The following KCNMA1 variants were observed in gnomAD, a reference collection of about 807,000 sequenced individuals.
The protein encoded by KCNMA1 is potassium calcium-activated channel subfamily M alpha 1, also known as Calcium-activated potassium channel subunit alpha-1.
Under a neutral mutation model 140.0 loss-of-function variants are expected in KCNMA1, and 29 were observed. The ratio of observed to expected loss-of-function variants is 0.21; its 90% confidence interval spans 0.15 to 0.28. KCNMA1 has a LOEUF of 0.28. KCNMA1 is among the 10% of genes least tolerant of loss of function. The pLI is 1.00. For missense variants in KCNMA1, 880 were observed against 1,602.2 expected (o/e 0.55, Z 7.70); for synonymous variants, 612 against 611.9 (o/e 1.00, Z 0.00).
intron 9 of KCNMA1, among the ~76,000 whole-genome samples, chr10:77,106,043 G>A (rs998275009): frequency 4.6e-5 from 7 of 151,980 alleles, no homozygotes; most frequent in African/African-American, 9.7e-5. Flanking sequence ...CTTTATTACC[G>A]TGCCTTTCCC....
intron 21 of KCNMA1, among the ~76,000 whole-genome samples, chr10:76,952,471 T>C (rs1014438961): frequency 6.6e-6 from 1 of 152,218 alleles, no homozygotes; most frequent in Admixed American, 6.5e-5. Context: ...AGTGAGCTGA[T>C]AGGGCTCTGC....
At chr10:77,548,949 C>CTTTTT (rs2062070059) in intron 1 of KCNMA1, among the ~76,000 whole-genome samples, 1 of 152,190 alleles carries the variant, frequency 6.6e-6, no homozygotes, top group Admixed American at 6.5e-5. Context: ...ATAAGGGATG[C>CTTTTT]ATAGATGAAT....
intron 1 of KCNMA1, among the ~76,000 whole-genome samples, chr10:77,452,980 CAG>C (rs1566935145): frequency 6.6e-6 from 1 of 152,104 alleles, no homozygotes; most frequent in Non-Finnish European, 1.5e-5. Context: ...ATCTGGAAAA[CAG>C]GGATGGGGGT....
chr10:77,409,033 G>A (rs1024385094), intron 1 of KCNMA1, among the ~76,000 whole-genome samples: 1 of 152,148 alleles, frequency 6.6e-6, no homozygotes, highest in Non-Finnish European at 1.5e-5. Flanking sequence ...ACCCTACCAG[G>A]CAACCTCTCA....
intron 1 of KCNMA1, among the ~76,000 whole-genome samples, chr10:77,516,604 T>C (rs950288980): frequency 2.0e-5 from 3 of 152,264 alleles, no homozygotes; most frequent in African/African-American, 4.8e-5. Flanking sequence ...CCAAAAGCTC[T>C]GCATGCTGCA....
At chr10:76,893,034 G>A (rs1338467714) in intron 25 of KCNMA1, among the ~76,000 whole-genome samples, 1 of 152,160 alleles carries the variant, frequency 6.6e-6, no homozygotes, top group South Asian at 2.1e-4. Context: ...AGCAGAAAAA[G>A]GATACTTAAA....
chr10:77,012,092 T>C (rs1230833499), intron 17 of KCNMA1, 49 bp from the exon 18 acceptor site: 5 of 1,611,540 alleles, frequency 3.1e-6, no homozygotes, highest in Non-Finnish European at 4.2e-6. Flanking sequence ...TCCACCCAAA[T>C]GAAATGAGTA....
chr10:77,150,329 T>A (rs1490803401), intron 5 of KCNMA1, among the ~76,000 whole-genome samples: 1 of 152,170 alleles, frequency 6.6e-6, no homozygotes, highest in East Asian at 1.9e-4. Flanking sequence ...CTTGTAGCCA[T>A]TTCACTGACA....
In KCNMA1 at chr10:77,082,007, C is replaced by CTTTTTTTTTTTTTTTTTTTTTTT. The variant is rs201288668; in HGVS notation, c.1524-2480_1524-2458dup. Among the ~76,000 whole-genome samples the CTTTTTTTTTTTTTTTTTTTTTTT allele has an allele frequency of 1.2e-4, 4 of 32,500 alleles. 1 individual carries two copies. Among genetic ancestry groups the CTTTTTTTTTTTTTTTTTTTTTTT allele is most frequent in the East Asian group, 9.7e-4 (2 of 2,054 alleles). 21.3% of individuals were successfully genotyped at this position (32,500 alleles called of 152,430 possible). Reference sequence around the variant, plus strand: ...GACCAGTAATTTCTTTTTTTCTTTTCTTTTTTTTTTTTTTTTTTTTTTTTT... The same window carrying CTTTTTTTTTTTTTTTTTTTTTTT: ...GACCAGTAATTTCTTTTTTTCTTTTCTTTTTTTTTTTTTTTTTTTTTTTTTTTTTTTTTTTTTTTTTTTTTTTT... On this transcript the variant is annotated intron_variant, in intron 12 of 27. Coordinates refer to ENST00000286628, the MANE Select transcript of KCNMA1 (RefSeq NM_001161352.2).
intron 1 of KCNMA1, among the ~76,000 whole-genome samples, chr10:77,575,847 A>G (rs75253357): frequency 0.015 from 2,244 of 152,312 alleles, 63 homozygotes; most frequent in African/African-American, 0.051. Flanking sequence ...GCCAGTTAAA[A>G]TAGAGCCCTG....
At chr10:77,623,049 GT>G (rs1309049777) in intron 1 of KCNMA1, among the ~76,000 whole-genome samples, 1 of 152,170 alleles carries the variant, frequency 6.6e-6, no homozygotes, top group Non-Finnish European at 1.5e-5. Context: ...GCTAGTTTCT[GT>G]TTTCACCATG....
intron 1 of KCNMA1, among the ~76,000 whole-genome samples, chr10:77,472,214 T>TAC (rs1286633229): frequency 1.3e-5 from 2 of 148,374 alleles, no homozygotes; most frequent in Non-Finnish European, 3.0e-5. Context: ...ACACACACAC[T>TAC]ACACACACAC....
intron 2 of KCNMA1, among the ~76,000 whole-genome samples, chr10:77,372,284 G>A (rs1027985771): frequency 3.9e-5 from 6 of 152,062 alleles, no homozygotes; most frequent in South Asian, 2.1e-4. Flanking sequence ...TTTTGCCCAC[G>A]ATTGTTCCCA....
At chr10:77,176,908 G>C (rs886278369) in intron 5 of KCNMA1, among the ~76,000 whole-genome samples, 3 of 152,142 alleles carry the variant, frequency 2.0e-5, no homozygotes, top group Non-Finnish European at 4.4e-5. Flanking sequence ...AGAGTATCCT[G>C]GAGTATCCAG....
At chr10:77,525,925 A>G (rs966531334) in intron 1 of KCNMA1, among the ~76,000 whole-genome samples, 2 of 152,140 alleles carry the variant, frequency 1.3e-5, no homozygotes, top group East Asian at 3.9e-4. Context: ...TTCTATTGAC[A>G]CTGACTGATT....
intron 25 of KCNMA1, among the ~76,000 whole-genome samples, chr10:76,894,657 G>A (rs998301027): frequency 6.6e-6 from 1 of 151,942 alleles, no homozygotes; most frequent in Non-Finnish European, 1.5e-5. Context: ...TTTTTTAAAC[G>A]GGCAGAAGAC....
intron 19 of KCNMA1, among the ~76,000 whole-genome samples, chr10:76,999,016 A>G (rs2085298155): frequency 6.6e-6 from 1 of 152,176 alleles, no homozygotes; most frequent in African/African-American, 2.4e-5. Flanking sequence ...AGCTGTCAAT[A>G]CCAGTTAAGG....
chr10:77,150,316 A>C (rs2250840), intron 5 of KCNMA1, among the ~76,000 whole-genome samples: 1 of 152,040 alleles, frequency 6.6e-6, no homozygotes, highest in Non-Finnish European at 1.5e-5. Context: ...ATCAAATGCC[A>C]TTCTTGTAGC....
At chr10:77,604,358 A>G (rs2083655951) in intron 1 of KCNMA1, among the ~76,000 whole-genome samples, 1 of 152,246 alleles carries the variant, frequency 6.6e-6, no homozygotes. Context: ...AAGAGAAGAA[A>G]AAAAGAAGTC....
Sources: gnomAD v4.1 joint callset for allele counts (sites outside exome capture counted in the v4.1 genomes callset) on GRCh38, gnomAD v4.1.1 for gene constraint, MANE v1.5 for transcripts, NCBI Gene and HGNC (gene_info 2026-07-23, HGNC 2026-07-21) for gene names.